MYH11: variants seen among roughly 807,000 people sequenced by gnomAD.
MYH11 encodes the protein myosin heavy chain 11.
A neutral mutation model predicts 246.6 loss-of-function variants in MYH11; 80 were observed. The ratio of observed to expected loss-of-function variants is 0.32; its 90% CI spans 0.27 to 0.39. MYH11 has a LOEUF of 0.39. Among genes scored for constraint, MYH11 ranks in the 10% least tolerant of loss-of-function variants. The pLI, the probability that MYH11 is intolerant of heterozygous loss-of-function variation, is 1.00. For missense variants in MYH11, 2,158 were observed against 2,546.8 expected, an observed-to-expected ratio of 0.85 and a Z score of 3.29; for synonymous variants, 1,071 against 1,015.5, an observed-to-expected ratio of 1.05 and a Z score of -1.04.
At chr16:15,726,771 A>G (rs756829328) in intron 28 of MYH11, 77 bp downstream of exon 28, 19 of 1,551,348 alleles carry the variant, frequency 1.2e-5, no homozygotes, top group Non-Finnish European at 1.5e-5. Context: ...GACCTCAGCG[A>G]GCCGGGAAGA....
At chr16:15,722,101 C>T (rs1383732940) in intron 31 of MYH11, among the ~76,000 whole-genome samples, 1 of 152,128 alleles carries the variant, frequency 6.6e-6, no homozygotes, top group Non-Finnish European at 1.5e-5. Flanking sequence ...TCAAGTGAGC[C>T]TCCTGCCTCG....
intron 28 of MYH11, chr16:15,725,914 C>T (rs886051754): frequency 2.6e-6 from 1 of 381,404 alleles, no homozygotes; most frequent in Non-Finnish European, 4.6e-6. Context: ...AGCCCTACAT[C>T]ATCTGGGTAC....
At chr16:15,753,003 A>G (rs1320143391) in intron 15 of MYH11, among the ~76,000 whole-genome samples, 1 of 152,166 alleles carries the variant, frequency 6.6e-6, no homozygotes, top group Non-Finnish European at 1.5e-5. Context: ...CTCCTGTTTT[A>G]CTAATGAGGA....
intron 36 of MYH11, chr16:15,718,798 A>AG: frequency 2.4e-6 from 1 of 425,208 alleles, no homozygotes; most frequent in Non-Finnish European, 4.4e-6. Flanking sequence ...GTCTGTCCCC[A>AG]ATCTCAGAGG....
At position 15,720,918 on chromosome 16, in the gene MYH11, G is replaced by A. The variant is rs1189029785; in HGVS notation, c.4712C>T (p.Ala1571Val). 2 of 1,613,908 alleles carry A rather than the reference G, an allele frequency of 1.2e-6. No individual in the cohort carries two copies. The highest frequency in any genetic ancestry group is 1.7e-6 in the Non-Finnish European group (2 of 1,180,000). The change falls in exon 33 of 41, where the codon GCG (alanine) becomes GTG (valine). Residue 1571 changes from alanine to valine, a missense_variant. Physicochemically the swap from Ala to Val is moderately conservative, Grantham distance 64 (BLOSUM62 0). Around this residue, in one of 11 missense-constraint regions of MYH11, gnomAD observed 1,013 missense variants for 993.5 expected, o/e 1.02. Coordinates refer to ENST00000300036, the MANE Select transcript of MYH11 (RefSeq NM_002474.3). ...ATCCCTTTCGAACTGGCCCTTGAGCGCCTGCATGTTGACTTCCAGCCGCAG... is the reference window on the plus strand; with the variant it reads ...ATCCCTTTCGAACTGGCCCTTGAGCACCTGCATGTTGACTTCCAGCCGCAG... Reference protein sequence around the residue: ...AKLRLEVNMQALKGQFERDLQ... With the variant: ...AKLRLEVNMQVLKGQFERDLQ...
In MYH11 at chr16:15,757,923, G is replaced by T. The variant is rs2041773053; in HGVS notation, c.1479C>A (p.Ile493=). Residue 493 remains isoleucine (I), a synonymous_variant, in exon 13 of 41, where the codon ATC becomes ATA. Coordinates refer to ENST00000300036, the MANE Select transcript of MYH11 (RefSeq NM_002474.3). The part of the protein sequence containing the change: ...LQQLFNHTMF[I]LEQEEYQREG... ...CGCGCTGGTACTCCTCCTGCTCCAG[G>T]ATGAACATGGTGTGGTTGAAGAGCT... 6.2e-7 allele frequency: 1 copy of T among 1,614,170 alleles called. No homozygotes were observed. The highest frequency in any genetic ancestry group is 1.1e-5 in the South Asian group (1 of 91,078).
chr16:15,716,494 G>C (rs1049136568), intron 38 of MYH11, among the ~76,000 whole-genome samples: 4 of 152,054 alleles, frequency 2.6e-5, no homozygotes, highest in African/African-American at 7.3e-5. Context: ...TGGGCTGCCG[G>C]TTGGACTTTT....
intron 1 of MYH11, 94 bp from the exon 2 acceptor site, chr16:15,838,363 G>T: frequency 1.0e-6 from 1 of 963,268 alleles, no homozygotes; most frequent in Non-Finnish European, 1.6e-6. Flanking sequence ...AACTCGGTCT[G>T]CAGAGACATC....
chr16:15,725,605 G>A (rs897889339), intron 28 of MYH11: 10 of 405,360 alleles, frequency 2.5e-5, no homozygotes, highest in East Asian at 1.1e-4. Flanking sequence ...TGACAAGGAG[G>A]ATATGAATGA....
At position 15,722,126 on chromosome 16, in the gene MYH11, G is replaced by A. The variant is rs145950940; in HGVS notation, c.4366-492C>T. Among the ~76,000 whole-genome samples, 209 of 152,076 alleles carry A rather than the reference G, an allele frequency of 1.4e-3. 1 individual carries two copies. Among genetic ancestry groups the A allele is most frequent in the African/African-American group, 4.6e-3 (190 of 41,462 alleles). ...CTCCTGCCTCGGCCTCCCAAAGCACGGAGATTACAGGTGTGAGCCACCACA... is the reference window on the plus strand; with the variant it reads ...CTCCTGCCTCGGCCTCCCAAAGCACAGAGATTACAGGTGTGAGCCACCACA... On this transcript the variant is annotated intron_variant, in intron 31 of 40. Transcript: ENST00000300036.
chr16:15,752,197 C>G (rs192418603), intron 15 of MYH11, among the ~76,000 whole-genome samples: 4 of 152,192 alleles, frequency 2.6e-5, no homozygotes, highest in Non-Finnish European at 5.9e-5. Flanking sequence ...TGGGATGACA[C>G]AGACCCAGGG....
At chr16:15,762,120 G>A (rs1425838179) in intron 10 of MYH11, among the ~76,000 whole-genome samples, 2 of 152,128 alleles carry the variant, frequency 1.3e-5, no homozygotes, top group African/African-American at 2.4e-5. Context: ...GATTACAGGC[G>A]CCTGCCACTA....
At chr16:15,710,086 G>A (rs143202815) in intron 40 of MYH11, among the ~76,000 whole-genome samples, 2 of 152,312 alleles carry the variant, frequency 1.3e-5, no homozygotes, top group Non-Finnish European at 2.9e-5. Context: ...CAGAAGGCAG[G>A]ACAGACCTTC....
chr16:15,834,126 T>C (rs939924726), intron 2 of MYH11, among the ~76,000 whole-genome samples: 3 of 152,118 alleles, frequency 2.0e-5, no homozygotes, highest in Admixed American at 2.0e-4. Flanking sequence ...TACACAGGCC[T>C]GTCCTGAAAC....
intron 40 of MYH11, among the ~76,000 whole-genome samples, chr16:15,707,626 G>C (rs907850984): frequency 1.3e-5 from 2 of 152,134 alleles, no homozygotes; most frequent in Admixed American, 1.3e-4. Context: ...AATGAAGATG[G>C]ACACAAATGA....
chr16:15,812,551 T>TAAAAAAAAAAAAAA (rs71134466), intron 3 of MYH11, among the ~76,000 whole-genome samples: 2 of 37,408 alleles, frequency 5.3e-5, no homozygotes, highest in African/African-American at 1.1e-4. Flanking sequence ...ATCTTATCTC[T>TAAAAAAAAAAAAAA]AAAAAAAAAA....
rs1040345569 is a variant in MYH11 at position 15,750,990 on chromosome 16, G to A, written c.1865-659C>T. Among the ~76,000 whole-genome samples, 2 of 152,052 alleles carry A rather than the reference G, an allele frequency of 1.3e-5. No individual in the cohort carries two copies. Among genetic ancestry groups the A allele is most frequent in the African/African-American group, 2.4e-5 (1 of 41,400 alleles). ...GGTGGGCTCTGCTAAGTTGATATTT[G>A]AGCAGAAACCAGCAAGAAATGAGTG... On this transcript the variant is annotated intron_variant, in intron 15 of 40. Transcript: ENST00000300036. The surrounding 1 kb of genome is among the most constrained non-coding windows in gnomAD (Gnocchi z 4.3).
At chr16:15,707,537 C>A (rs1034272372) in intron 40 of MYH11, among the ~76,000 whole-genome samples, 1 of 152,174 alleles carries the variant, frequency 6.6e-6, no homozygotes, top group African/African-American at 2.4e-5. Context: ...TCTGCTCCCC[C>A]ACAAAACTGG....
intron 15 of MYH11, among the ~76,000 whole-genome samples, chr16:15,753,147 C>G (rs1248039416): frequency 1.3e-5 from 2 of 152,130 alleles, no homozygotes; most frequent in Non-Finnish European, 2.9e-5. Context: ...GCTGTTTCTC[C>G]TCTATTGCCT....
Sources: allele counts gnomAD v4.1 joint callset (sites outside exome capture counted in the v4.1 genomes callset), GRCh38; gene constraint gnomAD v4.1.1; regional missense constraint gnomAD v4.1.1; non-coding constraint Gnocchi (gnomAD v3.1); transcripts MANE v1.5; gene names NCBI Gene and HGNC (gene_info 2026-07-23, HGNC 2026-07-21).